SYNE2: variants seen among roughly 807,000 people sequenced by gnomAD.
The protein encoded by SYNE2 is spectrin repeat containing nuclear envelope protein 2, also known as nesprin-2.
SYNE2 carries 431 observed loss-of-function variants against 856.3 expected under a neutral mutation model. The ratio of observed to expected loss-of-function variants is 0.50; its 90% CI spans 0.47 to 0.55. The LOEUF is 0.55. SYNE2 is among the 20% of genes least tolerant of loss of function. The probability of loss-of-function intolerance (pLI) is 0.00; values close to 1 mark genes in which losing one functional copy is unlikely to be tolerated. For missense variants in SYNE2, 8,129 were observed against 8,023.2 expected (o/e 1.01, Z -0.50); for synonymous variants, 2,923 against 2,872.3 (o/e 1.02, Z -0.56).
At chr14:63,814,755 C>CAT (rs1212590943) in intron 1 of SYNE2, among the ~76,000 whole-genome samples, 1 of 79,634 alleles carries the variant, frequency 1.3e-5, no homozygotes, top group Non-Finnish European at 2.5e-5. Context: ...CATATATATC[C>CAT]ATATATATAT....
At chr14:63,861,168 G>A (rs1271449112) in intron 1 of SYNE2, among the ~76,000 whole-genome samples, 3 of 142,884 alleles carry the variant, frequency 2.1e-5, no homozygotes, top group Non-Finnish European at 4.5e-5. Flanking sequence ...TTTTTGAGAC[G>A]GAGTCTTACT....
At chr14:64,122,479 A>G (rs769901299) in intron 70 of SYNE2, 52 bp downstream of exon 70, 51 of 1,611,398 alleles carry the variant, frequency 3.2e-5, no homozygotes, top group Non-Finnish European at 3.8e-5. Flanking sequence ...TGAAAATCCA[A>G]CAAGCATTCA....
rs770407054 is a variant in SYNE2 at position 63,982,619 on chromosome 14, G to A, written c.1837-11G>A. The A allele has an allele frequency of 5.0e-6, 8 of 1,612,436 alleles. 1 individual carries two copies. The highest frequency in any genetic ancestry group is 6.8e-6 in the Non-Finnish European group (8 of 1,179,006). On this transcript the variant is annotated splice_polypyrimidine_tract_variant and intron_variant, in intron 16 of 115. Coordinates refer to ENST00000555002, the MANE Select transcript of SYNE2 (RefSeq NM_182914.3). Reference sequence around the variant, plus strand: ...GTCATTAAGATAGTGTGTTGCTTGTGTATCATGTAGGTACCCTTTGAGACA... The same window carrying A: ...GTCATTAAGATAGTGTGTTGCTTGTATATCATGTAGGTACCCTTTGAGACA...
chr14:64,007,685 T>C (rs7155539), intron 31 of SYNE2, among the ~76,000 whole-genome samples: 5,316 of 152,192 alleles, frequency 0.035, 332 homozygotes, highest in African/African-American at 0.12. Context: ...GAGACCAGCC[T>C]GGCCAACATG....
At chr14:64,111,747 G>A (rs2097809550) in intron 65 of SYNE2, among the ~76,000 whole-genome samples, 1 of 151,906 alleles carries the variant, frequency 6.6e-6, no homozygotes. Flanking sequence ...GCAGTGAGCC[G>A]AGATCATGCC....
chr14:63,858,262 C>CTTTTTTTTTTTTTTT, intron 1 of SYNE2, among the ~76,000 whole-genome samples: 1 of 52,932 alleles, frequency 1.9e-5, no homozygotes, highest in Non-Finnish European at 3.2e-5. Context: ...CCACACCGGC[C>CTTTTTTTTTTTTTTT]TTTTTTTTTT....
chr14:64,058,047 T>C (rs1275684135), intron 49 of SYNE2, among the ~76,000 whole-genome samples: 2 of 152,204 alleles, frequency 1.3e-5, no homozygotes, highest in Admixed American at 6.5e-5. Context: ...CTTGCAAATA[T>C]TTTCTCTCAT....
intron 44 of SYNE2, 127 bp from the exon 45 acceptor site, chr14:64,030,889 T>C (rs2097028907): frequency 9.4e-6 from 7 of 741,862 alleles, no homozygotes; most frequent in Non-Finnish European, 1.6e-5. Context: ...GTTTCTTCTA[T>C]GTGATATGAG....
At chr14:63,950,138 ATACGTG>A in intron 7 of SYNE2, 132 bp downstream of exon 7, 1 of 1,070,988 alleles carries the variant, frequency 9.3e-7, no homozygotes, top group Non-Finnish European at 1.4e-6. Flanking sequence ...TGCTTCTTCC[ATACGTG>A]GAAGCCCAAG....
intron 99 of SYNE2, among the ~76,000 whole-genome samples, chr14:64,194,698 T>A (rs1339676596): frequency 6.6e-6 from 1 of 152,238 alleles, no homozygotes; most frequent in Non-Finnish European, 1.5e-5. Context: ...ACTGCCAATA[T>A]GTGTGTTCCT....
Position 64,051,875 on chromosome 14 carries a change from G to A in SYNE2, c.7962G>A (p.Lys2654=). 1 of 1,613,992 alleles carries A rather than the reference G, an allele frequency of 6.2e-7. No individual in the cohort carries two copies. The highest frequency in any genetic ancestry group is 8.5e-7 in the Non-Finnish European group (1 of 1,180,032). Residue 2654 remains lysine, a synonymous_variant, in exon 48 of 116, where the codon AAG becomes AAA. Transcript: ENST00000555002. ...QQQQHLQLRL[K]SPEERAGNQS... ...AGCAACATCTACAGTTAAGGCTGAA[G>A]TCTCCAGAAGAACGGGCAGGGAACC...
Position 64,218,637 on chromosome 14 carries a change from A to G in SYNE2, c.19657+125A>G, listed in dbSNP as rs116753835. Reference sequence around the variant, plus strand: ...GCCAGAACTGGGGGACTTACCCTACAACAACCAATGTTATTTTTAAATCAG... The same window carrying G: ...GCCAGAACTGGGGGACTTACCCTACGACAACCAATGTTATTTTTAAATCAG... On this transcript the variant is annotated intron_variant, in intron 109 of 115. Transcript: ENST00000555002. 2.6e-4 allele frequency: 228 copies of G among 867,048 alleles called. No individual in the cohort carries two copies. In the African/African-American group the frequency reaches 3.6e-3, roughly 14 times the overall value. 53.7% of individuals were successfully genotyped at this position (867,048 alleles called of 1,614,324 possible).
intron 1 of SYNE2, among the ~76,000 whole-genome samples, chr14:63,884,160 C>T (rs1442893140): frequency 6.6e-6 from 1 of 152,176 alleles, no homozygotes; most frequent in Non-Finnish European, 1.5e-5. Context: ...ATGGAGAAAG[C>T]AGGCCCTGTG....
Position 64,020,032 on chromosome 14 carries a change from C to A in SYNE2, c.5090C>A (p.Ser1697Tyr). ...CATGAACAAAAAACTTCAGAATTTT[C>A]TAGAAGAGTGGCTGAAATACAGTTT... is the stretch of plus-strand genomic sequence containing the variant. Reference protein sequence around the residue: ...QVHEQKTSEFSRRVAEIQFLL... With the variant: ...QVHEQKTSEFYRRVAEIQFLL... The change falls in exon 35 of 116, where the codon TCT becomes TAT. Residue 1697 changes from serine to tyrosine, a missense_variant. By Grantham distance (144) the Ser-to-Tyr change is moderately radical. Transcript: ENST00000555002. The A allele has an allele frequency of 6.2e-7, 1 of 1,613,884 alleles. No individual in the cohort carries two copies. The highest frequency in any genetic ancestry group is 8.5e-7 in the Non-Finnish European group (1 of 1,179,810).
intron 1 of SYNE2, among the ~76,000 whole-genome samples, chr14:63,865,218 G>A (rs890567890): frequency 7.8e-6 from 1 of 128,104 alleles, no homozygotes; most frequent in East Asian, 2.1e-4. Context: ...GGTATCAGGT[G>A]TTTAGGGGAC....
At chr14:64,221,834 T>TC (rs927036434) in intron 112 of SYNE2, 130 bp downstream of exon 112, 2 of 1,098,854 alleles carry the variant, frequency 1.8e-6, no homozygotes, top group African/African-American at 1.5e-5. Flanking sequence ...ATGCACGAGT[T>TC]CAGCCCTAGT....
intron 31 of SYNE2, 43 bp downstream of exon 31, chr14:64,007,265 T>C (rs1394685415): frequency 6.3e-7 from 1 of 1,579,488 alleles, no homozygotes; most frequent in Non-Finnish European, 8.7e-7. Flanking sequence ...AAAAATTGTC[T>C]GTAGCACAAT....
At chr14:64,079,711 C>CT (rs931615846) in intron 55 of SYNE2, among the ~76,000 whole-genome samples, 55 of 152,096 alleles carry the variant, frequency 3.6e-4, no homozygotes, top group Non-Finnish European at 5.0e-4. Flanking sequence ...ATTTTCTTTT[C>CT]TTTTTTTAAA....
At chr14:63,947,051 T>C (rs1037767973) in intron 6 of SYNE2, among the ~76,000 whole-genome samples, 2 of 152,150 alleles carry the variant, frequency 1.3e-5, no homozygotes, top group African/African-American at 4.8e-5. Context: ...GGTTTCGCCA[T>C]GTTGGTCAGG....
Sources: gnomAD v4.1 joint callset for allele counts (sites outside exome capture counted in the v4.1 genomes callset) on GRCh38, gnomAD v4.1.1 for gene constraint, MANE v1.5 for transcripts, NCBI Gene and HGNC (gene_info 2026-07-23, HGNC 2026-07-21) for gene names.